Variants in GPAM observed in about 807,000 individuals in gnomAD.
The protein encoded by GPAM is glycerol-3-phosphate acyltransferase, mitochondrial.
A neutral mutation model predicts 105.0 loss-of-function variants in GPAM; 56 were observed. The observed-to-expected ratio is 0.53, with a 90% CI of 0.43 to 0.67. GPAM has a LOEUF of 0.67. Ranked by LOEUF, GPAM falls within the 30% of genes least tolerant of loss-of-function variation. The pLI is 0.00. For missense variants in GPAM, 855 were observed against 989.8 expected (o/e 0.86, Z 1.83); for synonymous variants, 368 against 354.4 (o/e 1.04, Z -0.43).
At chr10:112,174,077 T>G (rs1193457562) in intron 6 of GPAM, among the ~76,000 whole-genome samples, 2 of 152,162 alleles carry the variant, frequency 1.3e-5, no homozygotes, top group African/African-American at 4.8e-5. Context: ...GAAAGCAGAC[T>G]AAGAATTTAA....
rs910929866 is a variant in GPAM at position 112,172,278 on chromosome 10, T to C, written c.698A>G (p.His233Arg). 3 of 1,611,570 alleles carry C rather than the reference T, an allele frequency of 1.9e-6. No homozygotes were observed. The highest frequency in any genetic ancestry group is 2.5e-6 in the Non-Finnish European group (3 of 1,177,764). Residue 233 changes from histidine to arginine, a missense_variant, in exon 9 of 22, where the codon CAT becomes CGT. Physicochemically the swap from His to Arg is conservative, Grantham distance 29 (BLOSUM62 0). Coordinates refer to ENST00000348367, the MANE Select transcript of GPAM (RefSeq NM_001244949.2). ...GAAAGTGAGCAGCAGATAGTCAATA[T>C]GGGATCTATGAACTGGTAGAAACAG... ...PLLFLPVHRS[H>R]IDYLLLTFIL... is the part of the protein sequence containing the mutation.
intron 18 of GPAM, among the ~76,000 whole-genome samples, chr10:112,158,089 C>A (rs1316391660): frequency 6.6e-6 from 1 of 152,144 alleles, no homozygotes; most frequent in Non-Finnish European, 1.5e-5. Context: ...TGCCACCATG[C>A]CCAGCTAATT....
Position 112,180,592 on chromosome 10 carries a change from C to T in GPAM, c.106G>A (p.Glu36Lys). ...RCKHTSEEWGECGFRPTIFRS... is the reference protein window; with the variant it reads ...RCKHTSEEWGKCGFRPTIFRS... ...AAGATGGTGGGTCTAAAGCCACACTCACCCTGACAAATATTAAGAAAAAAA... is the reference window on the plus strand; with the variant it reads ...AAGATGGTGGGTCTAAAGCCACACTTACCCTGACAAATATTAAGAAAAAAA... The change falls in exon 4 of 22, where the codon GAG becomes AAG. Residue 36 changes from glutamate to lysine, a missense_variant. Physicochemically the swap from Glu to Lys is moderately conservative, Grantham distance 56. Coordinates refer to ENST00000348367, the MANE Select transcript of GPAM (RefSeq NM_001244949.2). 1 of 1,608,516 alleles carries T rather than the reference C, an allele frequency of 6.2e-7. No homozygotes were observed. Among genetic ancestry groups the T allele is most frequent in the South Asian group, 1.1e-5 (1 of 90,930 alleles).
intron 17 of GPAM, 46 bp downstream of exon 17, chr10:112,159,865 A>T: frequency 6.3e-7 from 1 of 1,596,178 alleles, no homozygotes; most frequent in Non-Finnish European, 8.6e-7. Flanking sequence ...TTTCATGAAA[A>T]CGCTCAAGAA....
intron 1 of GPAM, among the ~76,000 whole-genome samples, chr10:112,193,413 A>C (rs567387698): frequency 1.3e-5 from 2 of 152,344 alleles, no homozygotes; most frequent in East Asian, 3.9e-4. Context: ...CCAAGCTTCA[A>C]GGAAGCCTGA....
upstream of GPAM, among the ~76,000 whole-genome samples, chr10:112,184,555 G>A: frequency 6.6e-6 from 1 of 152,278 alleles, no homozygotes; most frequent in African/African-American, 2.4e-5. Context: ...GGAGCAACAG[G>A]ACTGAATTTA....
chr10:112,155,116 C>G, intron 20 of GPAM: 1 of 203,082 alleles, frequency 4.9e-6, no homozygotes, highest in Non-Finnish European at 1.0e-5. Flanking sequence ...GGTTAGGAAA[C>G]AAGAATTCTG....
the GPAM span, among the ~76,000 whole-genome samples, chr10:112,227,043 C>G: frequency 6.6e-6 from 1 of 152,176 alleles, no homozygotes; most frequent in Non-Finnish European, 1.5e-5. Flanking sequence ...CAGCTTCTCT[C>G]CCAACATTCA....
At chr10:112,163,155 C>T (rs1471566589) in intron 14 of GPAM, among the ~76,000 whole-genome samples, 1 of 152,230 alleles carries the variant, frequency 6.6e-6, no homozygotes, top group Non-Finnish European at 1.5e-5. Context: ...ACTGGTCCTG[C>T]AGTGAACTCA....
At chr10:112,181,858 G>C (rs762194851) in intron 2 of GPAM, 45 bp from the exon 3 acceptor site, 39 of 846,034 alleles carry the variant, frequency 4.6e-5, no homozygotes, top group Non-Finnish European at 7.3e-5. Context: ...AATCGAGAGA[G>C]TAAATACTAG....
intron 1 of GPAM, among the ~76,000 whole-genome samples, chr10:112,203,673 G>T (rs1368954111): frequency 1.3e-5 from 2 of 152,132 alleles, no homozygotes; most frequent in African/African-American, 4.8e-5. Flanking sequence ...TGGATTTCTA[G>T]TGAGCACTTA....
intron 21 of GPAM, chr10:112,154,425 C>G: frequency 1.7e-6 from 1 of 597,110 alleles, no homozygotes; most frequent in Non-Finnish European, 3.0e-6. Context: ...CCAGAACATT[C>G]AAATAAATCT....
At chr10:112,214,227 CA>C (rs1181462615) in intron 1 of GPAM, 3 of 152,146 alleles carry the variant, frequency 2.0e-5, no homozygotes, top group African/African-American at 4.8e-5. Context: ...AAGACAGACA[CA>C]AAGAGTGGAG....
In GPAM at chr10:112,178,420, G is replaced by A. The variant is rs1408474087; in HGVS notation, c.226-363C>T. Among the ~76,000 whole-genome samples the A allele has an allele frequency of 3.9e-5, 6 of 151,950 alleles. No homozygotes were observed. The South Asian group carries it at 8.3e-4, about 21-fold the overall frequency. On this transcript the variant is annotated intron_variant, in intron 4 of 21. Coordinates refer to ENST00000348367, the MANE Select transcript of GPAM (RefSeq NM_001244949.2). ...TAAAAATTAGCTGGGTGTGGTGGTC[G>A]GTGCCTGTAATCCCAGCTACTTGGG...
the GPAM span, among the ~76,000 whole-genome samples, chr10:112,223,734 C>T: frequency 6.6e-6 from 1 of 152,188 alleles, no homozygotes; most frequent in African/African-American, 2.4e-5. Flanking sequence ...ATATTTTAGG[C>T]TATATGGGTC....
chr10:112,172,115 T>C, intron 9 of GPAM, 67 bp downstream of exon 9: 2 of 1,183,262 alleles, frequency 1.7e-6, no homozygotes, highest in Admixed American at 1.7e-5. Context: ...AAAGCTATAA[T>C]TTAAAAAATT....
At chr10:112,203,792 G>T (rs1564690702) in intron 1 of GPAM, among the ~76,000 whole-genome samples, 1 of 152,180 alleles carries the variant, frequency 6.6e-6, no homozygotes, top group Non-Finnish European at 1.5e-5. Flanking sequence ...CAGATATGAT[G>T]CTGCGGTTCA....
At position 112,152,787 on chromosome 10, in the gene GPAM, G is replaced by T. The variant is rs1846943458; in HGVS notation, c.*763C>A. 5 of 697,004 alleles carry T rather than the reference G, an allele frequency of 7.2e-6. No individual in the cohort carries two copies. Among genetic ancestry groups the T allele is most frequent in the African/African-American group, 1.9e-5 (1 of 51,686 alleles). The allele number at this position is 697,004 out of a possible 1,614,324, so 43.2% of individuals were successfully genotyped here. A position where few individuals can be genotyped will look rare whatever the true frequency, so the allele number is the denominator to read the frequency against. The stretch of plus-strand genomic sequence containing the variant: ...GGTCATTTGAAACTCAATGGCACTT[G>T]TTTATATGAGCAAAAGCCTTCAACA... On this transcript the variant is annotated 3_prime_UTR_variant, in exon 22 of 22. Transcript: ENST00000348367.
chr10:112,221,927 G>A, the GPAM span, among the ~76,000 whole-genome samples: 2 of 152,184 alleles, frequency 1.3e-5, no homozygotes, highest in Non-Finnish European at 2.9e-5. Context: ...GACTCACAAA[G>A]GTGACATGTG....
Sources: allele counts gnomAD v4.1 joint callset (sites outside exome capture counted in the v4.1 genomes callset), GRCh38; gene constraint gnomAD v4.1.1; transcripts MANE v1.5; gene names NCBI Gene and HGNC (gene_info 2026-07-23, HGNC 2026-07-21).